Variants in FRAS1 observed in about 807,000 individuals in gnomAD.
FRAS1 encodes the protein Fraser extracellular matrix complex subunit 1, also known as extracellular matrix organizing protein FRAS1.
In FRAS1, 290 loss-of-function variants were observed where a neutral mutation model predicts 435.2. The observed-to-expected ratio is 0.67, with a 90% CI of 0.61 to 0.73. The LOEUF (loss-of-function observed/expected upper bound fraction) is 0.73. FRAS1 is among the 30% of genes least tolerant of loss of function. The probability of loss-of-function intolerance (pLI) is 0.00; values close to 1 mark genes in which losing one functional copy is unlikely to be tolerated. For missense variants in FRAS1, 4,860 were observed against 5,001.5 expected (o/e 0.97, Z 0.85); for synonymous variants, 1,800 against 1,851.0 (o/e 0.97, Z 0.71).
At chr4:78,527,311 G>T (rs970513660) in intron 70 of FRAS1, among the ~76,000 whole-genome samples, 6 of 137,172 alleles carry the variant, frequency 4.4e-5, no homozygotes, top group Non-Finnish European at 6.2e-5. Context: ...ACTGTATTGT[G>T]CTGTATATTC....
In FRAS1 at chr4:78,544,051, T is replaced by A. The variant is rs1441540493; in HGVS notation, c.*2927T>A. On this transcript the variant is annotated 3_prime_UTR_variant, in exon 74 of 74. Coordinates refer to ENST00000512123, the MANE Select transcript of FRAS1 (RefSeq NM_025074.7). ...GTTGGAATGTGTTTGCACAGTCTTA[T>A]GATATTCAGTCTCAGTCTGCTATAG... 1.3e-5 allele frequency: 2 copies of A among 151,872 alleles called. No homozygotes were observed. Among genetic ancestry groups the A allele is most frequent in the Non-Finnish European group, 2.9e-5 (2 of 68,048 alleles). 9.4% of individuals were successfully genotyped at this position (151,872 alleles called of 1,614,324 possible). A position where few individuals can be genotyped will look rare whatever the true frequency, so the allele number is the denominator to read the frequency against.
At chr4:78,403,212 C>A (rs1732968454) in intron 30 of FRAS1, among the ~76,000 whole-genome samples, 1 of 152,134 alleles carries the variant, frequency 6.6e-6, no homozygotes, top group Non-Finnish European at 1.5e-5. Flanking sequence ...ATTAAGCCCC[C>A]AAATTTCCTA....
chr4:78,481,965 G>A lies in FRAS1; in HGVS notation c.8604+1G>A. 1.2e-6 allele frequency: 2 copies of A among 1,613,408 alleles called. No homozygotes were observed. Among genetic ancestry groups the A allele is most frequent in the Non-Finnish European group, 1.7e-6 (2 of 1,179,720 alleles). ...ATTTGGGCCTGGTGTCATTGAACAGGTGCGTTTACAGCAGTCGAGACTCCA... is the reference window on the plus strand; with the variant it reads ...ATTTGGGCCTGGTGTCATTGAACAGATGCGTTTACAGCAGTCGAGACTCCA... On this transcript the variant is annotated splice_donor_variant, in intron 57 of 73. Transcript: ENST00000512123. LOFTEE classifies it high-confidence loss of function.
rs1477020001 is a variant in FRAS1, at chr4:78,180,819, G to A, written c.109-56691G>A. 1.3e-5 allele frequency: 17 copies of A among 1,335,050 alleles called. No individual in the cohort carries two copies. In the Admixed American group the frequency reaches 3.2e-4, roughly 25 times the overall value. 82.7% of individuals were successfully genotyped at this position (1,335,050 alleles called of 1,614,324 possible). A position where few individuals can be genotyped will look rare whatever the true frequency, so the allele number is the denominator to read the frequency against. ...GAATCCTTAAGCATGCAAAAGCTTT[G>A]AACAGAAGGGTTCACGAAGGAACCA... On this transcript the variant is annotated intron_variant, in intron 2 of 73. Coordinates refer to ENST00000512123, the MANE Select transcript of FRAS1 (RefSeq NM_025074.7).
At chr4:78,139,106 G>A (rs1270590526) in intron 2 of FRAS1, among the ~76,000 whole-genome samples, 1 of 152,170 alleles carries the variant, frequency 6.6e-6, no homozygotes, top group Non-Finnish European at 1.5e-5. Flanking sequence ...ATTATTTGGA[G>A]GTAAGTGTTC....
chr4:78,479,377 A>C lies in FRAS1; in HGVS notation c.8102A>C (p.Asp2701Ala). 1 of 1,469,898 alleles carries C rather than the reference A, an allele frequency of 6.8e-7. No homozygotes were observed. Among genetic ancestry groups the C allele is most frequent in the Non-Finnish European group, 9.0e-7 (1 of 1,107,588 alleles). The allele number at this position is 1,469,898 out of a possible 1,614,324, so 91.1% of individuals were successfully genotyped here. The change falls in exon 56 of 74, where the codon GAT becomes GCT. Residue 2701 changes from aspartate (D) to alanine (A), a missense_variant. Coordinates refer to ENST00000512123, the MANE Select transcript of FRAS1 (RefSeq NM_025074.7). ...FLFAPIERKG[D>A]ASSIVSAICY... ...TTTTTTGCCATTTGTATTTCAGGAG[A>C]TGCAAGCAGCATTGTATCTGCAATT...
chr4:78,489,216 TA>T (rs1164671080), intron 59 of FRAS1, 136 bp downstream of exon 59: 8 of 738,172 alleles, frequency 1.1e-5, no homozygotes, highest in Middle Eastern at 3.8e-4. Context: ...ATGCAGGGGA[TA>T]GGGGTGCCAA....
At chr4:78,083,349 A>G (rs1030265943) in intron 2 of FRAS1, among the ~76,000 whole-genome samples, 2 of 152,142 alleles carry the variant, frequency 1.3e-5, no homozygotes, top group African/African-American at 4.8e-5. Context: ...TCAAAAACAG[A>G]TCTGGGAAAG....
Position 78,491,212 on chromosome 4 carries a change from G to A in FRAS1, c.8958+2132G>A, listed in dbSNP as rs895648221. Among the ~76,000 whole-genome samples the A allele has an allele frequency of 4.6e-5, 7 of 152,196 alleles. No homozygotes were observed. The South Asian group carries it at 1.2e-3, about 27-fold the overall frequency. ...CCCAGGACCAGACGGATTCACAGCC[G>A]AATTCTACCAGAGGTACAAAGAGGA... On this transcript the variant is annotated intron_variant, in intron 59 of 73. Transcript: ENST00000512123.
At chr4:78,087,343 C>T (rs1355746400) in intron 2 of FRAS1, among the ~76,000 whole-genome samples, 1 of 152,016 alleles carries the variant, frequency 6.6e-6, no homozygotes, top group East Asian at 1.9e-4. Context: ...AAATTGGAAG[C>T]ATTCCCTTTG....
chr4:78,301,630 C>T (rs893255178), intron 14 of FRAS1, among the ~76,000 whole-genome samples: 3 of 152,126 alleles, frequency 2.0e-5, no homozygotes, highest in Non-Finnish European at 2.9e-5. Flanking sequence ...TCTGATGGTG[C>T]TGCAGGTGGG....
chr4:78,059,292 T>G (rs1217336478), intron 1 of FRAS1, among the ~76,000 whole-genome samples: 1 of 152,130 alleles, frequency 6.6e-6, no homozygotes, highest in Non-Finnish European at 1.5e-5. Flanking sequence ...TTTTCTTTGC[T>G]GGCTTCCCAA....
intron 2 of FRAS1, among the ~76,000 whole-genome samples, chr4:78,115,006 C>G (rs1180242565): frequency 2.0e-5 from 3 of 152,092 alleles, no homozygotes. Flanking sequence ...TACGTCCCAT[C>G]AATACCTAAT....
rs145862838 is a variant in FRAS1, at chr4:78,234,005, C to A, written c.109-3505C>A. On this transcript the variant is annotated intron_variant, in intron 2 of 73. Transcript: ENST00000512123. ...GCAGAGGTGGGAAAAGCCACCCTCC[C>A]TCTATTCCACAATTGTCCCTGTGGT... Among the ~76,000 whole-genome samples the A allele has an allele frequency of 4.6e-4, 70 of 152,328 alleles. No homozygotes were observed. In the East Asian group the frequency reaches 5.4e-3, roughly 12 times the overall value.
In FRAS1 at chr4:78,515,854, C is replaced by T. The variant is rs34034599; in HGVS notation, c.10230C>T (p.Tyr3410=). 3,492 of 1,613,998 alleles carry T rather than the reference C, an allele frequency of 2.2e-3. 62 individuals carry two copies. In the African/African-American group the frequency reaches 0.041, roughly 19 times the overall value. The part of the protein sequence containing the change: ...VYDSTALGPG[Y]DRPFQFDPSV... ...ATAGCACTGCCCTGGGGCCTGGCTA[C>T]GATCGCCCCTTCCAGTTTGACCCCA... is the stretch of plus-strand genomic sequence containing the variant. Residue 3410 remains tyrosine (Y), a synonymous_variant, in exon 66 of 74, where the codon TAC becomes TAT. Coordinates refer to ENST00000512123, the MANE Select transcript of FRAS1 (RefSeq NM_025074.7).
intron 18 of FRAS1, among the ~76,000 whole-genome samples, chr4:78,330,124 G>A (rs1381315429): frequency 6.6e-6 from 1 of 152,174 alleles, no homozygotes; most frequent in Non-Finnish European, 1.5e-5. Flanking sequence ...CGTGGATTGT[G>A]AAGATTTCAT....
intron 6 of FRAS1, 90 bp downstream of exon 6, chr4:78,255,465 C>A (rs1050912263): frequency 2.4e-5 from 31 of 1,306,140 alleles, no homozygotes; most frequent in Non-Finnish European, 2.1e-6. Context: ...GCCTCAGAAG[C>A]ACTAGAAACA....
chr4:78,239,780 C>CAT (rs1028181436), intron 3 of FRAS1, among the ~76,000 whole-genome samples: 18 of 151,996 alleles, frequency 1.2e-4, no homozygotes, highest in African/African-American at 2.4e-5. Flanking sequence ...GCCTGGTATG[C>CAT]ATATATATAT....
At chr4:78,280,957 T>C (rs1180398555) in intron 10 of FRAS1, among the ~76,000 whole-genome samples, 1 of 152,230 alleles carries the variant, frequency 6.6e-6, no homozygotes, top group Non-Finnish European at 1.5e-5. Flanking sequence ...AGCCTCCCTA[T>C]AAATATTGAA....
Sources: allele counts gnomAD v4.1 joint callset (sites outside exome capture counted in the v4.1 genomes callset), GRCh38; gene constraint gnomAD v4.1.1; transcripts MANE v1.5; gene names NCBI Gene and HGNC (gene_info 2026-07-23, HGNC 2026-07-21).